The following COL19A1 variants were observed in gnomAD, a reference collection of about 807,000 sequenced individuals.
The protein encoded by COL19A1 is collagen type XIX alpha 1 chain, also known as collagen alpha-1(XIX) chain.
In COL19A1, 159 loss-of-function variants were observed where a neutral mutation model predicts 190.2. The observed-to-expected ratio is 0.84, with a 90% CI of 0.73 to 0.95. The LOEUF (loss-of-function observed/expected upper bound fraction) is 0.95, where lower values mean the gene tolerates loss of function less well. Among genes scored for constraint, COL19A1 ranks in the 40% least tolerant of loss-of-function variants. COL19A1 has a pLI of 0.00. For synonymous variants in COL19A1, 509 were observed against 458.9 expected (o/e 1.11, Z -1.39); for missense variants, 1,418 against 1,431.9 (o/e 0.99, Z 0.16).
intron 4 of COL19A1, among the ~76,000 whole-genome samples, chr6:69,918,035 A>C (rs546698316): frequency 3.7e-4 from 56 of 152,292 alleles, no homozygotes; most frequent in African/African-American, 1.3e-3. Context: ...AGTGTGTTCA[A>C]GGAACAAAAC....
chr6:70,039,133 TC>T (rs1482951687), intron 14 of COL19A1, among the ~76,000 whole-genome samples: 2 of 151,966 alleles, frequency 1.3e-5, no homozygotes, highest in African/African-American at 2.4e-5. Context: ...AAATTCTAAT[TC>T]CCAGACTGTA....
chr6:69,939,011 AG>A (rs1309299372), intron 9 of COL19A1, among the ~76,000 whole-genome samples: 4 of 152,176 alleles, frequency 2.6e-5, no homozygotes, highest in Non-Finnish European at 5.9e-5. Context: ...CGCTTTAAAA[AG>A]ACAGGAGACG....
intron 17 of COL19A1, among the ~76,000 whole-genome samples, chr6:70,122,800 G>T (rs1175691156): frequency 6.6e-6 from 1 of 152,062 alleles, no homozygotes; most frequent in Non-Finnish European, 1.5e-5. Context: ...AAAAAAATTT[G>T]TTAAATGACT....
intron 49 of COL19A1, among the ~76,000 whole-genome samples, chr6:70,201,917 T>G (rs971192690): frequency 2.6e-5 from 4 of 152,180 alleles, no homozygotes; most frequent in African/African-American, 9.7e-5. Flanking sequence ...TTGAAGTGTT[T>G]TTCTCTAGTA....
intron 8 of COL19A1, among the ~76,000 whole-genome samples, chr6:69,937,656 C>CAA (rs1396056182): frequency 1.3e-5 from 2 of 152,150 alleles, no homozygotes; most frequent in African/African-American, 4.8e-5. Flanking sequence ...ACCACCACTT[C>CAA]AACTCCTGGC....
intron 1 of COL19A1, among the ~76,000 whole-genome samples, chr6:69,874,240 C>G (rs927808618): frequency 1.3e-5 from 2 of 152,212 alleles, no homozygotes; most frequent in African/African-American, 4.8e-5. Flanking sequence ...TTCAGAAAGA[C>G]ACAAGGCAAA....
At chr6:70,090,509 G>T (rs1404126770) in intron 15 of COL19A1, among the ~76,000 whole-genome samples, 1 of 145,110 alleles carries the variant, frequency 6.9e-6, no homozygotes, top group Non-Finnish European at 1.5e-5. Flanking sequence ...ATGAATTTTG[G>T]TATTGGACAG....
At chr6:69,984,149 C>A (rs1212602152) in intron 11 of COL19A1, among the ~76,000 whole-genome samples, 1 of 151,886 alleles carries the variant, frequency 6.6e-6, no homozygotes, top group Non-Finnish European at 1.5e-5. Flanking sequence ...GTTTATGTTT[C>A]TCCTGAAAAT....
intron 25 of COL19A1, 63 bp downstream of exon 25, chr6:70,145,070 C>T: frequency 3.3e-6 from 4 of 1,201,914 alleles, no homozygotes; most frequent in Admixed American, 2.0e-5. Context: ...CTTGTGGGTT[C>T]CTAGTTTCAG....
intron 14 of COL19A1, among the ~76,000 whole-genome samples, chr6:70,053,483 TATG>T (rs1780325140): frequency 6.6e-6 from 1 of 152,330 alleles, no homozygotes; most frequent in East Asian, 1.9e-4. Context: ...CCTGAGCATG[TATG>T]TAACACATCA....
chr6:69,997,339 A>C (rs1260724054), intron 11 of COL19A1, among the ~76,000 whole-genome samples: 1 of 152,146 alleles, frequency 6.6e-6, no homozygotes, highest in African/African-American at 2.4e-5. Context: ...TAAAAATAAA[A>C]ATAAAGAGAA....
chr6:69,976,127 G>A (rs929972797), intron 11 of COL19A1, among the ~76,000 whole-genome samples: 2 of 152,116 alleles, frequency 1.3e-5, no homozygotes, highest in Admixed American at 6.5e-5. Context: ...AAATGAGCAA[G>A]CATTAGTGTG....
intron 22 of COL19A1, 96 bp from the exon 23 acceptor site, chr6:70,142,671 A>T: frequency 9.2e-7 from 1 of 1,090,908 alleles, no homozygotes; most frequent in East Asian, 2.5e-5. Context: ...CTTCCTATAC[A>T]TGAAGATCAC....
intron 4 of COL19A1, among the ~76,000 whole-genome samples, chr6:69,909,523 A>G (rs1490962689): frequency 6.6e-6 from 1 of 152,160 alleles, no homozygotes; most frequent in Non-Finnish European, 1.5e-5. Flanking sequence ...TGAAGAGACT[A>G]CTGAGAGTCA....
At chr6:70,184,322 T>C (rs1202841677) in intron 44 of COL19A1, among the ~76,000 whole-genome samples, 1 of 152,226 alleles carries the variant, frequency 6.6e-6, no homozygotes, top group Non-Finnish European at 1.5e-5. Flanking sequence ...AGGCACCTTC[T>C]TATTTCTCAG....
In COL19A1 at chr6:70,092,175, C is replaced by T. The variant is rs115561015; in HGVS notation, c.1225-9994C>T. On this transcript the variant is annotated intron_variant, in intron 15 of 50. Coordinates refer to ENST00000620364, the MANE Select transcript of COL19A1 (RefSeq NM_001858.6). ...CGCACACACGTCTAAGACAGGTTAC[C>T]GCAGGTGCATCCAGGGAAAGCTGTC... Among the ~76,000 whole-genome samples, 1,030 of 152,074 alleles carry T rather than the reference C, an allele frequency of 6.8e-3. 10 individuals are homozygous for T. Among genetic ancestry groups the T allele is most frequent in the African/African-American group, 0.023 (942 of 41,516 alleles).
chr6:70,126,971 A>G (rs946514097), intron 17 of COL19A1, among the ~76,000 whole-genome samples: 2 of 152,362 alleles, frequency 1.3e-5, no homozygotes, highest in African/African-American at 4.8e-5. Flanking sequence ...AGAAAAATAA[A>G]CTTAATGGAA....
intron 14 of COL19A1, among the ~76,000 whole-genome samples, chr6:70,047,606 C>A (rs191262528): frequency 6.6e-6 from 1 of 151,982 alleles, no homozygotes; most frequent in Non-Finnish European, 1.5e-5. Context: ...AGCACAAATT[C>A]TTTGGTTATA....
At chr6:69,895,018 T>C (rs921465172) in intron 2 of COL19A1, among the ~76,000 whole-genome samples, 1 of 152,132 alleles carries the variant, frequency 6.6e-6, no homozygotes, top group African/African-American at 2.4e-5. Flanking sequence ...TACAACTGAT[T>C]CCTCCACCAG....
Sources: allele counts gnomAD v4.1 joint callset (sites outside exome capture counted in the v4.1 genomes callset), GRCh38; gene constraint gnomAD v4.1.1; transcripts MANE v1.5; gene names NCBI Gene and HGNC (gene_info 2026-07-23, HGNC 2026-07-21).